FAM81A: variants seen among roughly 807,000 people sequenced by gnomAD.
FAM81A encodes family with sequence similarity 81 member A, also known as protein FAM81A.
FAM81A carries 19 observed loss-of-function variants against 46.7 expected under a neutral mutation model. That is an observed-to-expected ratio of 0.41 (90% CI 0.28 to 0.60). The LOEUF (loss-of-function observed/expected upper bound fraction) is 0.60, where lower values mean the gene tolerates loss of function less well. Among genes scored for constraint, FAM81A ranks in the 20% least tolerant of loss-of-function variants. The probability of loss-of-function intolerance (pLI) is 0.34; values close to 1 mark genes in which losing one functional copy is unlikely to be tolerated. For missense variants in FAM81A, 377 were observed against 453.5 expected, an observed-to-expected ratio of 0.83 and a Z score of 1.53; for synonymous variants, 183 against 152.9, an observed-to-expected ratio of 1.20 and a Z score of -1.45.
chr15:59,439,889 C>G (rs890751013), intron 1 of FAM81A: 1 of 152,280 alleles, frequency 6.6e-6, no homozygotes, highest in African/African-American at 2.4e-5. Context: ...TCACTCCGAC[C>G]TGGCTTTAAA....
At chr15:59,426,410 A>G (rs2081194618) in intron 2 of FAM81A, among the ~76,000 whole-genome samples, 1 of 152,198 alleles carries the variant, frequency 6.6e-6, no homozygotes, top group Non-Finnish European at 1.5e-5. Context: ...GTTCAAGACC[A>G]GCCTGACCAA....
intron 2 of FAM81A, among the ~76,000 whole-genome samples, chr15:59,416,545 A>C (rs1168590182): frequency 1.3e-5 from 2 of 152,228 alleles, no homozygotes; most frequent in African/African-American, 4.8e-5. Context: ...ACTGTGAACC[A>C]CAGCTGTGAG....
At chr15:59,476,946 C>G (rs1351838779) in intron 3 of FAM81A, among the ~76,000 whole-genome samples, 1 of 151,074 alleles carries the variant, frequency 6.6e-6, no homozygotes, top group Non-Finnish European at 1.5e-5. Context: ...ATGGTGAAAC[C>G]CCATCTCTAC....
intron 2 of FAM81A, among the ~76,000 whole-genome samples, chr15:59,404,700 T>C (rs1185313782): frequency 6.6e-6 from 1 of 152,114 alleles, no homozygotes. Context: ...CAAGTGGTCC[T>C]CCCACCTTGG....
In FAM81A at chr15:59,521,306, C is replaced by G. The variant is rs1373177266; in HGVS notation, c.1035C>G (p.Ala345=). ...GATCCCTCAGGCAAGTTCTCGAGGC[C>G]AAGATGAAGCTGGACAGGGACCAGC... ...SIGSLRQVLE[A]KMKLDRDQLQ... The change falls in exon 9 of 9, where the codon GCC becomes GCG. Residue 345 remains alanine, a synonymous_variant. Transcript: ENST00000288228. 8 of 1,613,724 alleles carry G rather than the reference C, an allele frequency of 5.0e-6. No individual in the cohort carries two copies. Among genetic ancestry groups the G allele is most frequent in the Non-Finnish European group, 6.8e-6 (8 of 1,179,754 alleles).
chr15:59,459,835 T>C (rs1338388167), intron 2 of FAM81A, 98 bp from the exon 3 acceptor site: 2 of 1,431,118 alleles, frequency 1.4e-6, no homozygotes, highest in Admixed American at 2.8e-5. Flanking sequence ...CTTGTAGTTA[T>C]AGATAATTTG....
chr15:59,432,654 G>A (rs1005193223), intron 2 of FAM81A, among the ~76,000 whole-genome samples: 3 of 152,072 alleles, frequency 2.0e-5, no homozygotes, highest in Non-Finnish European at 4.4e-5. Context: ...CTAAGCCTAA[G>A]TTTATTCATA....
intron 4 of FAM81A, among the ~76,000 whole-genome samples, chr15:59,495,919 A>G (rs2082028504): frequency 1.3e-5 from 2 of 152,196 alleles, no homozygotes; most frequent in Admixed American, 6.5e-5. Flanking sequence ...TTCTAGATAT[A>G]ATTCCCTTAT....
chr15:59,457,477 G>A (rs983927761), intron 1 of FAM81A, among the ~76,000 whole-genome samples: 1 of 152,206 alleles, frequency 6.6e-6, no homozygotes, highest in Non-Finnish European at 1.5e-5. Context: ...GAGTATGTAT[G>A]TGTAGAAAAG....
chr15:59,397,993 A>G (rs1362354328), intron 1 of FAM81A, among the ~76,000 whole-genome samples: 2 of 151,980 alleles, frequency 1.3e-5, no homozygotes, highest in Non-Finnish European at 2.9e-5. Context: ...TATTGGTGGT[A>G]TCAACTGACT....
chr15:59,473,167 C>G (rs1262841652), intron 3 of FAM81A, among the ~76,000 whole-genome samples: 1 of 152,120 alleles, frequency 6.6e-6, no homozygotes, highest in Non-Finnish European at 1.5e-5. Flanking sequence ...TACAGTAGGC[C>G]CCTTTATCTG....
At chr15:59,503,240 A>T (rs1435226773) in intron 4 of FAM81A, among the ~76,000 whole-genome samples, 4 of 150,984 alleles carry the variant, frequency 2.6e-5, no homozygotes, top group African/African-American at 9.7e-5. Flanking sequence ...TCTCAAAAAA[A>T]AAAAAAAAAA....
At chr15:59,431,233 CT>C (rs1213268542) in intron 2 of FAM81A, among the ~76,000 whole-genome samples, 79 of 149,476 alleles carry the variant, frequency 5.3e-4, no homozygotes, top group South Asian at 1.5e-3. Context: ...TTGCTATTAT[CT>C]TTTTTTTTTC....
chr15:59,431,774 G>C (rs1025536519), intron 2 of FAM81A, among the ~76,000 whole-genome samples: 3 of 152,142 alleles, frequency 2.0e-5, no homozygotes, highest in African/African-American at 7.2e-5. Flanking sequence ...TCCCCTTAAG[G>C]GGAGAAAGAA....
At chr15:59,476,901 C>G (rs1596506325) in intron 3 of FAM81A, among the ~76,000 whole-genome samples, 2 of 151,946 alleles carry the variant, frequency 1.3e-5, no homozygotes, top group South Asian at 4.1e-4. Flanking sequence ...GTGGGCAGAT[C>G]ATGAGATCAG....
intron 3 of FAM81A, among the ~76,000 whole-genome samples, chr15:59,486,135 T>C (rs956267715): frequency 2.0e-5 from 3 of 151,606 alleles, no homozygotes; most frequent in Admixed American, 1.3e-4. Context: ...ACCAAGATCA[T>C]GCCACTGCAC....
At chr15:59,472,710 C>G (rs2081711238) in intron 3 of FAM81A, among the ~76,000 whole-genome samples, 2 of 151,934 alleles carry the variant, frequency 1.3e-5, no homozygotes, top group Non-Finnish European at 2.9e-5. Flanking sequence ...GCCACCATGC[C>G]CAGCTAATTA....
intron 3 of FAM81A, among the ~76,000 whole-genome samples, chr15:59,465,511 G>A (rs1485351920): frequency 6.6e-6 from 1 of 152,142 alleles, no homozygotes; most frequent in Non-Finnish European, 1.5e-5. Context: ...GACCTCAGGT[G>A]ATCCGCCCAT....
chr15:59,407,906 G>T, intron 2 of FAM81A: 1 of 187,280 alleles, frequency 5.3e-6, no homozygotes, highest in Admixed American at 5.8e-5. Flanking sequence ...AGGCCTGGGT[G>T]AACTGGTTCG....
Sources: allele counts gnomAD v4.1 joint callset (sites outside exome capture counted in the v4.1 genomes callset), GRCh38; gene constraint gnomAD v4.1.1; transcripts MANE v1.5; gene names NCBI Gene and HGNC (gene_info 2026-07-23, HGNC 2026-07-21).